FGGY: variants seen among roughly 807,000 people sequenced by gnomAD.
The protein encoded by FGGY is FGGY carbohydrate kinase domain containing.
FGGY carries 72 observed loss-of-function variants against 71.3 expected under a neutral mutation model. That is an observed-to-expected ratio of 1.01 (90% CI 0.84 to 1.23). The LOEUF is 1.23. Among genes scored for constraint, FGGY ranks in the 50% most tolerant of loss-of-function variants. The pLI, the probability that FGGY is intolerant of heterozygous loss-of-function variation, is 0.00. For synonymous variants in FGGY, 251 were observed against 250.3 expected, an observed-to-expected ratio of 1.00 and a Z score of -0.02; for missense variants, 668 against 682.3, an observed-to-expected ratio of 0.98 and a Z score of 0.23.
chr1:59,716,321 G>A lies in FGGY; in HGVS notation c.1513-41610G>A, dbSNP rs535582861. ...CTTTCCCAGTTTCCTATCAATTCCAGTTACCTTTTGCTTTTCTTCTGCAAG... is the reference window on the plus strand; with the variant it reads ...CTTTCCCAGTTTCCTATCAATTCCAATTACCTTTTGCTTTTCTTCTGCAAG... On this transcript the variant is annotated intron_variant, in intron 14 of 15. Coordinates refer to ENST00000303721, the MANE Select transcript of FGGY (RefSeq NM_018291.5). Among the ~76,000 whole-genome samples the A allele has an allele frequency of 2.0e-5, 3 of 152,068 alleles. No individual in the cohort carries two copies. The East Asian group carries it at 5.8e-4, about 29-fold the overall frequency.
intron 5 of FGGY, among the ~76,000 whole-genome samples, chr1:59,446,719 G>A (rs2071339446): frequency 6.6e-6 from 1 of 152,146 alleles, no homozygotes; most frequent in Non-Finnish European, 1.5e-5. Flanking sequence ...GGAATATCTT[G>A]GTAATTTATC....
chr1:59,660,113 C>T, intron 11 of FGGY, 106 bp from the exon 12 acceptor site: 2 of 984,008 alleles, frequency 2.0e-6, no homozygotes, highest in Non-Finnish European at 3.1e-6. Flanking sequence ...TGCATATGAA[C>T]TTGTTTCGGC....
intron 14 of FGGY, among the ~76,000 whole-genome samples, chr1:59,679,227 A>G (rs1487462560): frequency 1.3e-5 from 2 of 151,918 alleles, no homozygotes; most frequent in Non-Finnish European, 1.5e-5. Context: ...TATACTCATC[A>G]CCTGTTATGC....
chr1:59,759,579 G>GAGCTGGC (rs1201856174), intron 15 of FGGY, among the ~76,000 whole-genome samples: 1 of 152,236 alleles, frequency 6.6e-6, no homozygotes, highest in Non-Finnish European at 1.5e-5. Flanking sequence ...TGCTTGCTGG[G>GAGCTGGC]AGCTGGCAGC....
At chr1:59,464,770 G>T (rs548227079) in intron 6 of FGGY, among the ~76,000 whole-genome samples, 1 of 152,116 alleles carries the variant, frequency 6.6e-6, no homozygotes, top group Non-Finnish European at 1.5e-5. Flanking sequence ...AGAAAATCTG[G>T]AAGAAATGGA....
chr1:59,633,290 G>A (rs1330724440), intron 10 of FGGY, among the ~76,000 whole-genome samples: 1 of 152,186 alleles, frequency 6.6e-6, no homozygotes, highest in African/African-American at 2.4e-5. Flanking sequence ...GATTACAGGT[G>A]TGAGCCACTG....
intron 9 of FGGY, among the ~76,000 whole-genome samples, chr1:59,608,883 C>G (rs12127254): frequency 1.3e-5 from 2 of 152,120 alleles, no homozygotes; most frequent in Non-Finnish European, 2.9e-5. Context: ...TTGTATCCAC[C>G]TCAGTGCCAG....
At chr1:59,491,507 T>A (rs896753090) in intron 6 of FGGY, among the ~76,000 whole-genome samples, 1 of 152,100 alleles carries the variant, frequency 6.6e-6, no homozygotes, top group African/African-American at 2.4e-5. Context: ...GTTTTTCATC[T>A]AGTTTGTTGT....
At chr1:59,731,029 C>T (rs996619386) in intron 14 of FGGY, among the ~76,000 whole-genome samples, 16 of 152,214 alleles carry the variant, frequency 1.1e-4, no homozygotes, top group African/African-American at 3.9e-4. Context: ...AGTGATGGAG[C>T]AAGTCGGCTT....
chr1:59,554,283 G>T, intron 8 of FGGY, 56 bp downstream of exon 8: 1 of 1,396,998 alleles, frequency 7.2e-7, no homozygotes, highest in South Asian at 1.2e-5. Flanking sequence ...TAGCCTGGAA[G>T]GAGACCCTGA....
chr1:59,455,846 A>G (rs2153508890), intron 5 of FGGY, among the ~76,000 whole-genome samples: 1 of 152,334 alleles, frequency 6.6e-6, no homozygotes, highest in South Asian at 2.1e-4. Flanking sequence ...AGTTTTCCCA[A>G]CAGATGGGGG....
At chr1:59,652,220 A>T (rs2097169921) in intron 11 of FGGY, among the ~76,000 whole-genome samples, 1 of 147,724 alleles carries the variant, frequency 6.8e-6, no homozygotes, top group Non-Finnish European at 1.5e-5. Context: ...TGAATCTGAC[A>T]ATTATGTGTC....
chr1:59,345,267 T>C (rs142027856), intron 3 of FGGY, among the ~76,000 whole-genome samples: 18 of 152,334 alleles, frequency 1.2e-4, no homozygotes, highest in African/African-American at 4.1e-4. Flanking sequence ...ATACCTGGTT[T>C]GGTAACTGCT....
At chr1:59,382,394 A>C (rs1420986950) in intron 5 of FGGY, among the ~76,000 whole-genome samples, 1 of 152,152 alleles carries the variant, frequency 6.6e-6, no homozygotes, top group Non-Finnish European at 1.5e-5. Context: ...ATCATTAGCC[A>C]AAGGTCCTGG....
intron 9 of FGGY, among the ~76,000 whole-genome samples, chr1:59,613,563 C>T (rs1166483625): frequency 3.3e-5 from 5 of 152,144 alleles, no homozygotes; most frequent in African/African-American, 1.2e-4. Context: ...GTAAAATTGA[C>T]ACCCTAACAT....
chr1:59,539,297 G>A (rs1198771443), intron 7 of FGGY, among the ~76,000 whole-genome samples: 3 of 152,142 alleles, frequency 2.0e-5, no homozygotes, highest in South Asian at 2.1e-4. Flanking sequence ...TAGATGGAAA[G>A]GATCAATAAT....
intron 8 of FGGY, among the ~76,000 whole-genome samples, chr1:59,605,319 A>G (rs2096613597): frequency 6.6e-6 from 1 of 152,206 alleles, no homozygotes; most frequent in African/African-American, 2.4e-5. Context: ...GGGGTTTTCC[A>G]GAAGGCAAGA....
chr1:59,616,383 A>G (rs1162473065), intron 9 of FGGY, among the ~76,000 whole-genome samples: 1 of 152,172 alleles, frequency 6.6e-6, no homozygotes, highest in South Asian at 2.1e-4. Flanking sequence ...TCACAAGGAC[A>G]AAAAACCAGA....
chr1:59,304,525 C>G (rs2043178639), intron 1 of FGGY, among the ~76,000 whole-genome samples: 1 of 151,048 alleles, frequency 6.6e-6, no homozygotes, highest in Admixed American at 6.6e-5. Context: ...TTTGTTCTTT[C>G]CCAAGATTGC....
Sources: gnomAD v4.1 joint callset for allele counts (sites outside exome capture counted in the v4.1 genomes callset) on GRCh38, gnomAD v4.1.1 for gene constraint, MANE v1.5 for transcripts, NCBI Gene and HGNC (gene_info 2026-07-23, HGNC 2026-07-21) for gene names.